PPM1E: variants seen among roughly 807,000 people sequenced by gnomAD.
PPM1E encodes protein phosphatase 1E.
Under a neutral mutation model 65.9 loss-of-function variants are expected in PPM1E, and 20 were observed. That is an observed-to-expected ratio of 0.30 (90% CI 0.21 to 0.44). The LOEUF (loss-of-function observed/expected upper bound fraction) is 0.44, where lower values mean the gene tolerates loss of function less well. Among genes scored for constraint, PPM1E ranks in the 20% least tolerant of loss-of-function variants. The pLI, the probability that PPM1E is intolerant of heterozygous loss-of-function variation, is 1.00. For synonymous variants in PPM1E, 352 were observed against 374.9 expected, an observed-to-expected ratio of 0.94 and a Z score of 0.70; for missense variants, 713 against 953.1, an observed-to-expected ratio of 0.75 and a Z score of 3.32.
chr17:58,791,200 A>C (rs1278251304), intron 1 of PPM1E, among the ~76,000 whole-genome samples: 1 of 152,072 alleles, frequency 6.6e-6, no homozygotes, highest in Non-Finnish European at 1.5e-5. Context: ...CCTGAGAATG[A>C]ATTGTTTTAA....
chr17:58,791,606 C>G (rs1331129048), intron 1 of PPM1E, among the ~76,000 whole-genome samples: 4 of 152,202 alleles, frequency 2.6e-5, no homozygotes, highest in African/African-American at 4.8e-5. Context: ...AATACCACAT[C>G]CTACCCAAGC....
Position 58,756,472 on chromosome 17 carries a change from T to A in PPM1E, c.464+11T>A. On this transcript the variant is annotated intron_variant, in intron 1 of 6. Coordinates refer to ENST00000308249, the MANE Select transcript of PPM1E (RefSeq NM_014906.5). ...GCAGCTCTACAAATAGTTAAGTAGC[T>A]GGGCTTGGCTGGTGGTGGGCCCGCG... 7.8e-7 allele frequency: 1 copy of A among 1,275,384 alleles called. No individual in the cohort carries two copies. The highest frequency in any genetic ancestry group is 9.9e-7 in the Non-Finnish European group (1 of 1,008,880). The allele number at this position is 1,275,384 out of a possible 1,614,324, so 79.0% of individuals were successfully genotyped here. A position where few individuals can be genotyped will look rare whatever the true frequency, so the allele number is the denominator to read the frequency against.
At chr17:58,785,144 T>A (rs573797639) in intron 1 of PPM1E, among the ~76,000 whole-genome samples, 2 of 152,190 alleles carry the variant, frequency 1.3e-5, no homozygotes, top group East Asian at 3.9e-4. Flanking sequence ...AGATAATTTG[T>A]GTATATAGAG....
At chr17:58,897,412 T>TAA (rs945692432) in intron 1 of PPM1E, among the ~76,000 whole-genome samples, 1 of 135,450 alleles carries the variant, frequency 7.4e-6, no homozygotes, top group Non-Finnish European at 1.6e-5. Context: ...AGACTCCATC[T>TAA]AAAAAAAAAA....
At chr17:58,785,273 A>T (rs2050087690) in intron 1 of PPM1E, 1 of 148,550 alleles carries the variant, frequency 6.7e-6, no homozygotes, top group African/African-American at 2.5e-5. Flanking sequence ...TTTTAGAAGA[A>T]TAATATAACT....
chr17:58,953,325 G>A (rs2052266555), intron 1 of PPM1E, among the ~76,000 whole-genome samples: 1 of 152,186 alleles, frequency 6.6e-6, no homozygotes, highest in African/African-American at 2.4e-5. Flanking sequence ...ATCTGCTTCT[G>A]GTGAGGGCTT....
chr17:58,784,054 A>G (rs151269723), intron 1 of PPM1E, among the ~76,000 whole-genome samples: 57 of 150,468 alleles, frequency 3.8e-4, no homozygotes, highest in Middle Eastern at 6.9e-3. Flanking sequence ...ACAGAGTCTC[A>G]CTCTGTTGCC....
chr17:58,852,133 G>A (rs1035523284), intron 1 of PPM1E, among the ~76,000 whole-genome samples: 8 of 152,284 alleles, frequency 5.3e-5, no homozygotes, highest in Non-Finnish European at 1.0e-4. Context: ...TTGGAAAAGT[G>A]CAGTATTAGG....
At chr17:58,976,159 G>A (rs1198804910) in intron 6 of PPM1E, among the ~76,000 whole-genome samples, 2 of 152,180 alleles carry the variant, frequency 1.3e-5, no homozygotes, top group African/African-American at 4.8e-5. Flanking sequence ...AAGAGAGCAA[G>A]TAGAGGAGAA....
At chr17:58,958,020 G>A (rs984763470) in intron 2 of PPM1E, among the ~76,000 whole-genome samples, 5 of 151,998 alleles carry the variant, frequency 3.3e-5, no homozygotes, top group African/African-American at 9.7e-5. Context: ...GCATGCACCC[G>A]TAGCCCCAGC....
rs542551083 is a variant in PPM1E at position 58,883,776 on chromosome 17, C to T, written c.465-71873C>T. Among the ~76,000 whole-genome samples, 39 of 152,016 alleles carry T rather than the reference C, an allele frequency of 2.6e-4. No individual in the cohort carries two copies. In the East Asian group the frequency reaches 4.3e-3, roughly 17 times the overall value. On this transcript the variant is annotated intron_variant, in intron 1 of 6. Coordinates refer to ENST00000308249, the MANE Select transcript of PPM1E (RefSeq NM_014906.5). ...CTGGGATTACAGGCGTGAGCCACCG[C>T]GCCCGGCCCGCTGCCTGTTCTTAAA... is the stretch of plus-strand genomic sequence containing the variant.
At chr17:58,763,486 A>G (rs940588689) in intron 1 of PPM1E, among the ~76,000 whole-genome samples, 2 of 152,156 alleles carry the variant, frequency 1.3e-5, no homozygotes, top group Admixed American at 6.6e-5. Flanking sequence ...GTTAATTCCA[A>G]GAAACAACTC....
Position 58,980,674 on chromosome 17 carries a change from G to A in PPM1E, c.1911G>A (p.Glu637=). The change falls in exon 7 of 7, where the codon GAG becomes GAA. Residue 637 remains glutamate (E), a synonymous_variant. Coordinates refer to ENST00000308249, the MANE Select transcript of PPM1E (RefSeq NM_014906.5). The surrounding 1 kb of genome is among the most constrained non-coding windows in gnomAD (Gnocchi z 4.7). Reference sequence around the variant, plus strand: ...CTTTCAATTTGGGTTCAACAGGGGAGCAGATATACAGAATGCAGAGCTTGT... The same window carrying A: ...CTTTCAATTTGGGTTCAACAGGGGAACAGATATACAGAATGCAGAGCTTGT... ...PTAFNLGSTG[E]QIYRMQSLSP... is the part of the protein sequence containing the mutation. 6.2e-7 allele frequency: 1 copy of A among 1,614,202 alleles called. No individual in the cohort carries two copies. The highest frequency in any genetic ancestry group is 8.5e-7 in the Non-Finnish European group (1 of 1,180,028).
intron 1 of PPM1E, among the ~76,000 whole-genome samples, chr17:58,941,519 C>T (rs548020846): frequency 6.6e-6 from 1 of 150,618 alleles, no homozygotes; most frequent in African/African-American, 2.4e-5. Flanking sequence ...ATGGTGAAAC[C>T]CCATCTCTAC....
chr17:58,970,328 C>T (rs897653305), intron 4 of PPM1E, among the ~76,000 whole-genome samples: 3 of 151,966 alleles, frequency 2.0e-5, no homozygotes, highest in Non-Finnish European at 2.9e-5. Flanking sequence ...GGCAAGGGCT[C>T]TATATTAAGG....
At chr17:58,922,228 G>A (rs1195552180) in intron 1 of PPM1E, among the ~76,000 whole-genome samples, 1 of 150,532 alleles carries the variant, frequency 6.6e-6, no homozygotes, top group African/African-American at 2.4e-5. Context: ...CTCATTTAAC[G>A]TTAGTAGTAA....
chr17:58,785,175 T>G (rs1267321871), intron 1 of PPM1E: 1 of 152,064 alleles, frequency 6.6e-6, no homozygotes, highest in Non-Finnish European at 1.5e-5. Flanking sequence ...TCAATTTGAT[T>G]CTTTTGCAAG....
At chr17:58,889,121 C>T (rs905289591) in intron 1 of PPM1E, among the ~76,000 whole-genome samples, 6 of 152,036 alleles carry the variant, frequency 3.9e-5, no homozygotes, top group Admixed American at 6.6e-5. Flanking sequence ...AATTATATAA[C>T]TTGCTTGTTC....
intron 6 of PPM1E, among the ~76,000 whole-genome samples, chr17:58,973,779 C>T (rs1448408320): frequency 2.6e-5 from 4 of 151,820 alleles, no homozygotes; most frequent in Admixed American, 2.0e-4. Flanking sequence ...GATGAATCCC[C>T]GTCTCTACTA....
Sources: gnomAD v4.1 joint callset for allele counts (sites outside exome capture counted in the v4.1 genomes callset) on GRCh38, gnomAD v4.1.1 for gene constraint, Gnocchi (gnomAD v3.1) non-coding constraint, MANE v1.5 for transcripts, NCBI Gene and HGNC (gene_info 2026-07-23, HGNC 2026-07-21) for gene names.